The following ENTREP2 variants were observed in gnomAD, a reference collection of about 807,000 sequenced individuals.
ENTREP2 encodes endosomal transmembrane epsin interactor 2.
At chr15:29,396,222 T>C in the ENTREP2 span, among the ~76,000 whole-genome samples, 1 of 152,208 alleles carries the variant, frequency 6.6e-6, no homozygotes, top group Non-Finnish European at 1.5e-5. Context: ...ATTTCTTTTA[T>C]AACTGAAAGT....
chr15:29,404,218 G>A, the ENTREP2 span, among the ~76,000 whole-genome samples: 9 of 152,202 alleles, frequency 5.9e-5, no homozygotes, highest in East Asian at 1.7e-3. Context: ...CCCTGGGAAA[G>A]GGACTCAGTC....
chr15:29,659,403 G>A, the ENTREP2 span, among the ~76,000 whole-genome samples: 12 of 152,094 alleles, frequency 7.9e-5, no homozygotes, highest in Non-Finnish European at 1.6e-4. Flanking sequence ...TCCGGGAAGC[G>A]GAGGTTGCAG....
chr15:29,437,240 T>C, the ENTREP2 span, among the ~76,000 whole-genome samples: 2 of 152,164 alleles, frequency 1.3e-5, no homozygotes, highest in Non-Finnish European at 2.9e-5. Flanking sequence ...CAATGGACTA[T>C]AAAGCTTTCC....
the ENTREP2 span, among the ~76,000 whole-genome samples, chr15:29,331,262 G>A: frequency 2.0e-5 from 3 of 152,198 alleles, no homozygotes; most frequent in Non-Finnish European, 4.4e-5. Context: ...TGACGTCTGT[G>A]CCGCTGGACA....
chr15:29,367,835 T>C, the ENTREP2 span, among the ~76,000 whole-genome samples: 1 of 151,830 alleles, frequency 6.6e-6, no homozygotes, highest in Non-Finnish European at 1.5e-5. Context: ...TGACAAAGAA[T>C]AGGCTTTACA....
the ENTREP2 span, among the ~76,000 whole-genome samples, chr15:29,150,815 A>G: frequency 1.3e-5 from 2 of 152,168 alleles, no homozygotes; most frequent in Non-Finnish European, 2.9e-5. Context: ...AACCCACTAT[A>G]AGAACCAGCT....
At chr15:29,136,307 G>A in the ENTREP2 span, 263 of 1,435,988 alleles carry the variant, frequency 1.8e-4, 2 homozygotes, top group South Asian at 7.5e-4. Flanking sequence ...AGGGCAGGCC[G>A]GGACGGTGTC....
the ENTREP2 span, among the ~76,000 whole-genome samples, chr15:29,503,995 A>G: frequency 6.6e-6 from 1 of 152,220 alleles, no homozygotes; most frequent in Non-Finnish European, 1.5e-5. Context: ...ACCTTTTCAC[A>G]ACCATCACAG....
chr15:29,667,186 T>C, the ENTREP2 span, among the ~76,000 whole-genome samples: 3 of 151,608 alleles, frequency 2.0e-5, no homozygotes, highest in African/African-American at 7.3e-5. Context: ...TCTTTTCTTT[T>C]CTTTCCTTTT....
the ENTREP2 span, among the ~76,000 whole-genome samples, chr15:29,490,185 T>C: frequency 6.6e-6 from 1 of 152,192 alleles, no homozygotes; most frequent in Admixed American, 6.5e-5. Flanking sequence ...GGCCGGTGCA[T>C]CTGGAGTCGT....
chr15:29,172,625 C>T, the ENTREP2 span, among the ~76,000 whole-genome samples: 1 of 152,126 alleles, frequency 6.6e-6, no homozygotes, highest in African/African-American at 2.4e-5. Context: ...AATAGGAACA[C>T]AGGGTCCCTT....
the ENTREP2 span, chr15:29,570,694 C>T: frequency 5.2e-6 from 6 of 1,154,552 alleles, no homozygotes; most frequent in African/African-American, 1.6e-5. Flanking sequence ...CGGCGGGACG[C>T]GGCGCTCGGG....
the ENTREP2 span, chr15:29,137,308 C>G: frequency 1.0e-6 from 1 of 978,682 alleles, no homozygotes; most frequent in Non-Finnish European, 1.4e-6. Flanking sequence ...GTAATTTCAA[C>G]TGTCAAGCCA....
chr15:29,490,306 C>T, the ENTREP2 span, among the ~76,000 whole-genome samples: 5 of 152,152 alleles, frequency 3.3e-5, no homozygotes, highest in East Asian at 3.9e-4. Flanking sequence ...GTGAGTATTA[C>T]AGCTCTTGAA....
chr15:29,213,622 T>C, the ENTREP2 span, among the ~76,000 whole-genome samples: 1 of 152,160 alleles, frequency 6.6e-6, no homozygotes, highest in African/African-American at 2.4e-5. Context: ...AATGCTTGTA[T>C]TTTTGCACAT....
the ENTREP2 span, among the ~76,000 whole-genome samples, chr15:29,361,456 G>A: frequency 2.0e-5 from 3 of 152,076 alleles, no homozygotes; most frequent in Non-Finnish European, 2.9e-5. Flanking sequence ...TTCATTTCTC[G>A]ATTTCTAACT....
chr15:29,221,466 C>G, the ENTREP2 span, among the ~76,000 whole-genome samples: 2 of 152,244 alleles, frequency 1.3e-5, no homozygotes, highest in South Asian at 4.2e-4. Context: ...TCTCAAAGTG[C>G]TGGGATTACA....
At chr15:29,147,197 A>G in the ENTREP2 span, among the ~76,000 whole-genome samples, 1 of 152,248 alleles carries the variant, frequency 6.6e-6, no homozygotes, top group Non-Finnish European at 1.5e-5. Flanking sequence ...ACTCAGTAAT[A>G]AAAAGACAAA....
chr15:29,277,541 T>C, the ENTREP2 span, among the ~76,000 whole-genome samples: 1 of 152,058 alleles, frequency 6.6e-6, no homozygotes, highest in Non-Finnish European at 1.5e-5. Context: ...CCGCCTGCAG[T>C]TCTCAGTAGG....
Sources: gnomAD v4.1 joint callset for allele counts (sites outside exome capture counted in the v4.1 genomes callset) on GRCh38, gnomAD v4.1.1 for gene constraint, MANE v1.5 for transcripts, NCBI Gene and HGNC (gene_info 2026-07-23, HGNC 2026-07-21) for gene names.